SLC1A2: variants seen among roughly 807,000 people sequenced by gnomAD.
The protein encoded by SLC1A2 is solute carrier family 1 member 2.
Under a neutral mutation model 48.8 loss-of-function variants are expected in SLC1A2, and 15 were observed. The ratio of observed to expected loss-of-function variants is 0.31; its 90% CI spans 0.21 to 0.47. SLC1A2 has a LOEUF of 0.47. SLC1A2 is among the 20% of genes least tolerant of loss of function. The pLI, the probability that SLC1A2 is intolerant of heterozygous loss-of-function variation, is 0.99. For synonymous variants in SLC1A2, 279 were observed against 272.6 expected (o/e 1.02, Z -0.23); for missense variants, 502 against 730.5 (o/e 0.69, Z 3.61).
intron 1 of SLC1A2, among the ~76,000 whole-genome samples, chr11:35,376,846 A>C (rs1046071143): frequency 1.3e-5 from 2 of 152,212 alleles, no homozygotes; most frequent in Non-Finnish European, 2.9e-5. Context: ...TTTGACTCAT[A>C]TCCTCAATGT....
At chr11:35,315,808 A>AAAAAAAAAAAAAG (rs371762829) in intron 2 of SLC1A2, 3 of 139,368 alleles carry the variant, frequency 2.2e-5, no homozygotes, top group Non-Finnish European at 4.6e-5. Context: ...AAAAAAAAAA[A>AAAAAAAAAAAAAG]AAAGAAAGAA....
intron 1 of SLC1A2, among the ~76,000 whole-genome samples, chr11:35,354,153 T>C (rs570946913): frequency 6.6e-6 from 1 of 152,180 alleles, no homozygotes; most frequent in South Asian, 2.1e-4. Context: ...GGCCTTCTGA[T>C]ATAAAAAGAA....
upstream of SLC1A2, chr11:35,420,026 C>T (rs1855738506): frequency 1.2e-5 from 5 of 424,544 alleles, no homozygotes; most frequent in South Asian, 6.8e-5. Flanking sequence ...CCCAGCTGCG[C>T]TCCCTCCCCC....
Position 35,256,476 on chromosome 11 carries a change from T to C in SLC1A2, c.*4418A>G, listed in dbSNP as rs552894290. On this transcript the variant is annotated 3_prime_UTR_variant, in exon 11 of 11. Coordinates refer to ENST00000278379, the MANE Select transcript of SLC1A2 (RefSeq NM_004171.4). Reference sequence around the variant, plus strand: ...CTCACTCTATGCTAGGAGAACAATCTGCCTCTAGTGCCACCTGCTTGGATT... The same window carrying C: ...CTCACTCTATGCTAGGAGAACAATCCGCCTCTAGTGCCACCTGCTTGGATT... 13 of 152,748 alleles carry C rather than the reference T, an allele frequency of 8.5e-5. No individual in the cohort carries two copies. Among genetic ancestry groups the C allele is most frequent in the African/African-American group, 3.1e-4 (13 of 41,578 alleles). 9.5% of individuals were successfully genotyped at this position (152,748 alleles called of 1,614,324 possible). A position where few individuals can be genotyped will look rare whatever the true frequency, so the allele number is the denominator to read the frequency against.
chr11:35,255,115 C>T lies in SLC1A2; in HGVS notation c.*5779G>A. 3.7e-6 allele frequency: 1 copy of T among 267,478 alleles called. No homozygotes were observed. Among genetic ancestry groups the T allele is most frequent in the Non-Finnish European group, 7.3e-6 (1 of 136,734 alleles). 16.6% of individuals were successfully genotyped at this position (267,478 alleles called of 1,614,324 possible). On this transcript the variant is annotated 3_prime_UTR_variant, in exon 11 of 11. Transcript: ENST00000278379. ...AGCTTTACATCTTGCCCTTGCAAAC[C>T]TGAAGAGCTGAAGTCTTCTCTGACA...
At chr11:35,419,756 C>T, upstream of SLC1A2, 1 of 280,512 alleles carries the variant, frequency 3.6e-6, no homozygotes, top group Non-Finnish European at 7.7e-6. This position sits in a 1 kb window ranked among gnomAD's most constrained non-coding sequence, Gnocchi z 5.4. Context: ...ATTGTTTCCC[C>T]TGAAGCCCGC....
intron 7 of SLC1A2, 36 bp from the exon 8 acceptor site, chr11:35,286,987 TC>T: frequency 6.4e-7 from 1 of 1,554,268 alleles, no homozygotes; most frequent in Non-Finnish European, 8.9e-7. Flanking sequence ...CAGGGTTATG[TC>T]CACTTTAGAG....
intron 1 of SLC1A2, among the ~76,000 whole-genome samples, chr11:35,393,131 G>T (rs1427395157): frequency 6.6e-6 from 1 of 152,124 alleles, no homozygotes; most frequent in Non-Finnish European, 1.5e-5. Context: ...CCTTCTTGGT[G>T]CCAGGTGTCC....
At chr11:35,394,969 C>T (rs562692611) in intron 1 of SLC1A2, among the ~76,000 whole-genome samples, 19 of 152,150 alleles carry the variant, frequency 1.2e-4, no homozygotes, top group Middle Eastern at 3.2e-3. Flanking sequence ...GTGTGCTAAG[C>T]GTGGGTCAAT....
chr11:35,410,840 T>C (rs540648566), intron 1 of SLC1A2, among the ~76,000 whole-genome samples: 10 of 152,302 alleles, frequency 6.6e-5, no homozygotes, highest in Middle Eastern at 6.8e-3. Flanking sequence ...CCTCTCCCTC[T>C]GCCTACCCTG....
At chr11:35,276,116 T>C (rs1850432411) in intron 9 of SLC1A2, among the ~76,000 whole-genome samples, 1 of 152,182 alleles carries the variant, frequency 6.6e-6, no homozygotes, top group Admixed American at 6.5e-5. Flanking sequence ...AATTCTACTC[T>C]AGGTCTTAAA....
At chr11:35,336,894 C>T (rs188005339) in intron 1 of SLC1A2, among the ~76,000 whole-genome samples, 9 of 151,710 alleles carry the variant, frequency 5.9e-5, no homozygotes, top group Non-Finnish European at 5.9e-5. Flanking sequence ...TGGCCTAGAA[C>T]AGTAAACCAA....
rs752337573 is a variant in SLC1A2, at chr11:35,282,518, G to A, written c.1287-1517C>T. On this transcript the variant is annotated intron_variant, in intron 8 of 10. Coordinates refer to ENST00000278379, the MANE Select transcript of SLC1A2 (RefSeq NM_004171.4). ...ATTGCAACTCCCCCACCCCCACCAT[G>A]CCCAGTGAATGTGAATTGTTTTTCT... Among the ~76,000 whole-genome samples the A allele has an allele frequency of 1.5e-3, 216 of 148,110 alleles. 2 individuals carry two copies. The highest frequency in any genetic ancestry group is 9.8e-4 in the Non-Finnish European group (66 of 67,304).
intron 1 of SLC1A2, among the ~76,000 whole-genome samples, chr11:35,406,089 A>C (rs949849586): frequency 3.3e-5 from 5 of 152,218 alleles, no homozygotes; most frequent in Non-Finnish European, 5.9e-5. Context: ...CAGACAAGAA[A>C]ACACTTAGCA....
intron 9 of SLC1A2, among the ~76,000 whole-genome samples, chr11:35,277,873 A>G (rs941278116): frequency 6.6e-6 from 1 of 152,168 alleles, no homozygotes. Flanking sequence ...ACCACTGCCA[A>G]TGTCTTTATT....
chr11:35,285,804 A>C (rs1850800925), intron 8 of SLC1A2: 1 of 152,224 alleles, frequency 6.6e-6, no homozygotes, highest in Non-Finnish European at 1.5e-5. Context: ...CTGGGAGTCC[A>C]TCCATGAACT....
intron 9 of SLC1A2, among the ~76,000 whole-genome samples, chr11:35,267,172 C>T (rs1950498946): frequency 6.6e-6 from 1 of 152,122 alleles, no homozygotes; most frequent in South Asian, 2.1e-4. Flanking sequence ...GGAATAATTG[C>T]TAAGAAGCCC....
chr11:35,317,240 C>A, intron 2 of SLC1A2, 137 bp downstream of exon 2: 1 of 791,496 alleles, frequency 1.3e-6, no homozygotes, highest in Non-Finnish European at 2.0e-6. Context: ...TCACTGAAGC[C>A]TGGGCAGACA....
intron 1 of SLC1A2, among the ~76,000 whole-genome samples, chr11:35,363,405 C>T (rs1490687583): frequency 6.6e-6 from 1 of 151,994 alleles, no homozygotes; most frequent in African/African-American, 2.4e-5. Context: ...CTACAGATGC[C>T]TCTTCTCGGT....
Sources: allele counts gnomAD v4.1 joint callset (sites outside exome capture counted in the v4.1 genomes callset), GRCh38; gene constraint gnomAD v4.1.1; non-coding constraint Gnocchi (gnomAD v3.1); transcripts MANE v1.5; gene names NCBI Gene and HGNC (gene_info 2026-07-23, HGNC 2026-07-21).